CFAP47: variants seen among roughly 807,000 people sequenced by gnomAD.
CFAP47 encodes the protein cilia- and flagella-associated protein 47.
CFAP47 carries 29 observed loss-of-function variants against 148.1 expected under a neutral mutation model. The ratio of observed to expected loss-of-function variants is 0.20; its 90% CI spans 0.15 to 0.27. The LOEUF is 0.27. Among genes scored for constraint, CFAP47 ranks in the 10% least tolerant of loss-of-function variants. CFAP47 has a pLI of 1.00. For synonymous variants in CFAP47, 664 were observed against 577.3 expected (o/e 1.15, Z -2.15); for missense variants, 1,872 against 1,697.5 (o/e 1.10, Z -1.81).
intron 45 of CFAP47, among the ~76,000 whole-genome samples, chrX:36,208,149 A>G (rs1393039019): frequency 9.0e-6 from 1 of 111,663 alleles, no homozygotes; most frequent in East Asian, 2.8e-4. Flanking sequence ...GAGCACTGTT[A>G]TCCTTCTGTC....
intron 26 of CFAP47, among the ~76,000 whole-genome samples, chrX:36,048,853 C>A (rs1239197515): frequency 8.9e-6 from 1 of 111,812 alleles, no homozygotes; most frequent in East Asian, 2.8e-4. Flanking sequence ...TAAAATGAAG[C>A]ATGAGGTATG....
intron 21 of CFAP47, among the ~76,000 whole-genome samples, chrX:36,003,967 CTTTTTTT>C (rs761024902): frequency 7.5e-5 from 5 of 66,374 alleles, no homozygotes; most frequent in East Asian, 4.2e-4. Context: ...CTTTCTTTTT[CTTTTTTT>C]TTTTTTTTTT....
chrX:36,091,170 A>G lies in CFAP47; in HGVS notation c.4916+5632A>G, dbSNP rs193095858. ...ACAGTCTCAGCCTTTAAAATGAAAAAAATGCATTTTTCTTGTCCTCAATTT... is the reference window on the plus strand; with the variant it reads ...ACAGTCTCAGCCTTTAAAATGAAAAGAATGCATTTTTCTTGTCCTCAATTT... On this transcript the variant is annotated intron_variant, in intron 30 of 63. Coordinates refer to ENST00000378653, the MANE Select transcript of CFAP47 (RefSeq NM_001304548.2). 4.5e-5 allele frequency among the ~76,000 whole-genome samples: 5 copies of G among 111,332 alleles called. No individual in the cohort carries two copies. The East Asian group carries it at 1.1e-3, about 25-fold the overall frequency.
rs200683546 is a variant in CFAP47, at chrX:36,366,523, G to GA, written c.9024-440dup. On this transcript the variant is annotated intron_variant, in intron 61 of 63. Transcript: ENST00000378653. ...CACAGAAAATGTATTTTTTCTTTGT[G>GA]AAACGAGTTGAAAATACTTTCGCAT... Among the ~76,000 whole-genome samples, 983 of 111,328 alleles carry GA rather than the reference G, an allele frequency of 8.8e-3. 52 individuals are homozygous for GA. The East Asian group carries it at 0.2, about 22-fold the overall frequency.
chrX:36,022,256 T>A (rs1185380889), intron 22 of CFAP47, among the ~76,000 whole-genome samples: 1 of 111,991 alleles, frequency 8.9e-6, no homozygotes, highest in Admixed American at 9.5e-5. Context: ...CATACTATTC[T>A]AGGCTAAAAG....
At chrX:35,987,122 A>G (rs1377604720) in intron 15 of CFAP47, among the ~76,000 whole-genome samples, 2 of 111,766 alleles carry the variant, frequency 1.8e-5, no homozygotes, top group Non-Finnish European at 3.8e-5. Context: ...CCCTTAGCAG[A>G]GCTCGAGCAC....
rs976775498 is a variant in CFAP47, at chrX:36,291,748, G to A, written c.7686+6022G>A. On this transcript the variant is annotated intron_variant, in intron 51 of 63. Coordinates refer to ENST00000378653, the MANE Select transcript of CFAP47 (RefSeq NM_001304548.2). ...TATCTAAGCACTGTTTGCTTAACTC[G>A]TGACAAACACTCTTCAAAATGGCTG... Among the ~76,000 whole-genome samples, 6 of 110,899 alleles carry A rather than the reference G, an allele frequency of 5.4e-5. 1 individual carries two copies. In the East Asian group the frequency reaches 1.1e-3, roughly 21 times the overall value.
intron 11 of CFAP47, among the ~76,000 whole-genome samples, chrX:35,971,193 A>G (rs2146665182): frequency 8.9e-6 from 1 of 111,885 alleles, no homozygotes; most frequent in African/African-American, 3.2e-5. Context: ...CTCGGGAGAA[A>G]CCTGTACAGA....
intron 1 of CFAP47, among the ~76,000 whole-genome samples, chrX:35,922,311 A>G (rs946443667): frequency 5.4e-5 from 6 of 112,009 alleles, no homozygotes; most frequent in African/African-American, 1.9e-4. Context: ...ACTGGATACC[A>G]TTTTCATTTA....
intron 58 of CFAP47, among the ~76,000 whole-genome samples, chrX:36,348,490 T>A (rs1941716899): frequency 9.1e-6 from 1 of 110,231 alleles, no homozygotes; most frequent in South Asian, 3.8e-4. Context: ...AATATATACA[T>A]ATATATATAT....
At chrX:35,942,025 T>C (rs1306280173) in intron 3 of CFAP47, among the ~76,000 whole-genome samples, 3 of 89,548 alleles carry the variant, frequency 3.4e-5, no homozygotes, top group African/African-American at 1.8e-4. Context: ...TGTGTGTGTG[T>C]GTCTGTGTGT....
chrX:36,377,073 G>A (rs1335759638), intron 62 of CFAP47, among the ~76,000 whole-genome samples: 37 of 111,055 alleles, frequency 3.3e-4, no homozygotes, highest in African/African-American at 1.1e-3. Context: ...GAATAATGCC[G>A]CAATAAACAT....
At chrX:36,272,914 C>T (rs1940975618) in intron 49 of CFAP47, among the ~76,000 whole-genome samples, 1 of 111,048 alleles carries the variant, frequency 9.0e-6, no homozygotes, top group South Asian at 3.7e-4. Context: ...TATTCAAGCA[C>T]AATTTAATTT....
chrX:36,030,251 A>G lies in CFAP47; in HGVS notation c.3557-1002A>G, dbSNP rs139870444. Among the ~76,000 whole-genome samples, 822 of 111,453 alleles carry G rather than the reference A, an allele frequency of 7.4e-3. 8 individuals carry two copies. The highest frequency in any genetic ancestry group is 0.042 in the Middle Eastern group (9 of 216). On this transcript the variant is annotated intron_variant, in intron 22 of 63. Transcript: ENST00000378653. ...TTTGGTTTCTTCAGAAAATGATTCT[A>G]TAAAAATTTGTGATAGGCAGAGTAT... is the stretch of plus-strand genomic sequence containing the variant.
intron 52 of CFAP47, among the ~76,000 whole-genome samples, chrX:36,299,508 T>G (rs1941277684): frequency 8.9e-6 from 1 of 111,795 alleles, no homozygotes; most frequent in African/African-American, 3.2e-5. Context: ...TTAACTTATA[T>G]ATTTTTCTTC....
chrX:36,284,361 C>A (rs147102918), intron 50 of CFAP47, among the ~76,000 whole-genome samples: 281 of 111,231 alleles, frequency 2.5e-3, no homozygotes, highest in African/African-American at 8.7e-3. Flanking sequence ...CTATTTTTTT[C>A]TCTTTCTCCC....
chrX:36,237,295 C>T (rs980209697), intron 48 of CFAP47, among the ~76,000 whole-genome samples: 1 of 111,694 alleles, frequency 9.0e-6, no homozygotes, highest in Non-Finnish European at 1.9e-5. Context: ...TAATTGTTTA[C>T]ACCCTTTTAC....
At chrX:36,105,747 A>C (rs998453488) in intron 33 of CFAP47, among the ~76,000 whole-genome samples, 5 of 112,626 alleles carry the variant, frequency 4.4e-5, no homozygotes, top group African/African-American at 1.6e-4. Flanking sequence ...ACAAAAACAC[A>C]TAAAAATTAG....
intron 37 of CFAP47, among the ~76,000 whole-genome samples, chrX:36,156,326 T>C (rs1424083898): frequency 9.0e-6 from 1 of 111,247 alleles, no homozygotes; most frequent in Non-Finnish European, 1.9e-5. Context: ...TAATGTCTCT[T>C]TCTGCCAGCT....
Sources: gnomAD v4.1 joint callset for allele counts (sites outside exome capture counted in the v4.1 genomes callset) on GRCh38, gnomAD v4.1.1 for gene constraint, MANE v1.5 for transcripts, NCBI Gene and HGNC (gene_info 2026-07-23, HGNC 2026-07-21) for gene names.